DLEU7: variants seen among roughly 807,000 people sequenced by gnomAD.
The protein encoded by DLEU7 is leukemia-associated protein 7.
A neutral mutation model predicts 16.0 loss-of-function variants in DLEU7; 17 were observed. That is an observed-to-expected ratio of 1.06 (90% CI 0.73 to 1.59). The LOEUF is 1.59. Ranked by LOEUF, DLEU7 falls within the 40% of genes most tolerant of loss-of-function variation. The probability of loss-of-function intolerance (pLI) is 0.00; values close to 1 mark genes in which losing one functional copy is unlikely to be tolerated. For synonymous variants in DLEU7, 113 were observed against 139.8 expected (o/e 0.81, Z 1.35); for missense variants, 308 against 314.9 (o/e 0.98, Z 0.17).
intron 1 of DLEU7, among the ~76,000 whole-genome samples, chr13:50,806,410 C>A (rs1304332418): frequency 6.9e-6 from 1 of 145,168 alleles, no homozygotes; most frequent in Non-Finnish European, 1.5e-5. Flanking sequence ...ATTTTCTCTC[C>A]TTAATTTAAT....
chr13:50,748,797 C>T (rs1039139236), intron 1 of DLEU7, among the ~76,000 whole-genome samples: 22 of 152,102 alleles, frequency 1.4e-4, no homozygotes, highest in African/African-American at 4.6e-4. Flanking sequence ...AAAAGAGAGG[C>T]GAAATATCTA....
intron 1 of DLEU7, chr13:50,723,302 C>A (rs892876682): frequency 1.3e-5 from 2 of 151,988 alleles, no homozygotes; most frequent in Non-Finnish European, 2.9e-5. Flanking sequence ...AATGTATATT[C>A]TTCCCAATAT....
chr13:50,812,421 C>T (rs1308733926), intron 1 of DLEU7, among the ~76,000 whole-genome samples: 2 of 152,080 alleles, frequency 1.3e-5, no homozygotes, highest in Non-Finnish European at 1.5e-5. Flanking sequence ...GCTAGTGCTA[C>T]AGAAATCCCA....
chr13:50,767,603 G>T (rs1377112717), intron 1 of DLEU7, among the ~76,000 whole-genome samples: 1 of 152,118 alleles, frequency 6.6e-6, no homozygotes, highest in African/African-American at 2.4e-5. Context: ...CTTCCCCAGT[G>T]GAGCTCTAGC....
chr13:50,713,364 G>C, intron 1 of DLEU7: 1 of 1,172,144 alleles, frequency 8.5e-7, no homozygotes, highest in Non-Finnish European at 1.2e-6. Context: ...TGGAGATATG[G>C]GCTAACACAC....
In DLEU7 at chr13:50,814,678, T is replaced by TACAC. The variant is rs59737244; in HGVS notation, c.459+28506_459+28509dup. ...TACAAATCTATACACTACATAGAAC[T>TACAC]ACACACACACACACACACACACACA... On this transcript the variant is annotated intron_variant, in intron 1 of 1. Transcript: ENST00000400393. Among the ~76,000 whole-genome samples, 1,256 of 140,276 alleles carry TACAC rather than the reference T, an allele frequency of 9.0e-3. 11 individuals are homozygous for TACAC. The highest frequency in any genetic ancestry group is 0.052 in the South Asian group (201 of 3,872). 92.0% of individuals were successfully genotyped at this position (140,276 alleles called of 152,430 possible). A position where few individuals can be genotyped will look rare whatever the true frequency, so the allele number is the denominator to read the frequency against.
chr13:50,764,969 G>A (rs796251675), intron 1 of DLEU7, among the ~76,000 whole-genome samples: 68 of 152,210 alleles, frequency 4.5e-4, no homozygotes, highest in African/African-American at 1.6e-3. Context: ...TGCAACTTCT[G>A]CATCCTGTGT....
At chr13:50,787,858 C>T (rs893612299) in intron 1 of DLEU7, among the ~76,000 whole-genome samples, 4 of 152,118 alleles carry the variant, frequency 2.6e-5, no homozygotes, top group Non-Finnish European at 4.4e-5. Context: ...CCCAGCTCAG[C>T]GCCTTCCCTC....
At chr13:50,815,644 T>G (rs1243897071) in intron 1 of DLEU7, among the ~76,000 whole-genome samples, 1 of 152,142 alleles carries the variant, frequency 6.6e-6, no homozygotes, top group Non-Finnish European at 1.5e-5. Flanking sequence ...TAGGAATGTT[T>G]GCTTCTAAAT....
intron 1 of DLEU7, among the ~76,000 whole-genome samples, chr13:50,713,538 T>C (rs1283085937): frequency 1.3e-5 from 2 of 152,168 alleles, no homozygotes; most frequent in East Asian, 3.9e-4. Flanking sequence ...TTCTTCTTCC[T>C]GAAATGAGAA....
In DLEU7 at chr13:50,796,064, G is replaced by GAT. The variant is rs199671952; in HGVS notation, c.459+47122_459+47123dup. ...CCCTTTTTTCTCAGCATACCACCAG[G>GAT]ATATATATAATATTCCCCCCTTATC... On this transcript the variant is annotated intron_variant, in intron 1 of 1. Coordinates refer to the DLEU7 transcript ENST00000400393. Among the ~76,000 whole-genome samples, 1,005 of 135,160 alleles carry GAT rather than the reference G, an allele frequency of 7.4e-3. 7 individuals carry two copies. The highest frequency in any genetic ancestry group is 0.01 in the Admixed American group (137 of 13,220). 88.7% of individuals were successfully genotyped at this position (135,160 alleles called of 152,430 possible).
At position 50,843,267 on chromosome 13, in the gene DLEU7, G is replaced by C. The variant is rs530752287; in HGVS notation, c.380C>G (p.Ser127Trp). The change falls in exon 1 of 2, where the codon TCG (serine) becomes TGG (tryptophan). Residue 127 changes from serine (S) to tryptophan (W), a missense_variant. Transcript: ENST00000504404. The surrounding 1 kb of genome is among the most constrained non-coding windows in gnomAD (Gnocchi z 5.7). ...CTCCACGCTGACCAGCTCCGAAGTC[G>C]AGTCCACCACGCGGGCCAGCGCGCT... is the stretch of plus-strand genomic sequence containing the variant. ...MRSALARVVDSTSELVSVEQT... is the reference protein window; with the variant it reads ...MRSALARVVDWTSELVSVEQT... 1 of 1,590,926 alleles carries C rather than the reference G, an allele frequency of 6.3e-7. No homozygotes were observed. Among genetic ancestry groups the C allele is most frequent in the Non-Finnish European group, 8.6e-7 (1 of 1,168,844 alleles).
intron 1 of DLEU7, among the ~76,000 whole-genome samples, chr13:50,729,706 T>C: frequency 6.6e-6 from 1 of 152,316 alleles, no homozygotes; most frequent in South Asian, 2.1e-4. Flanking sequence ...CTATTATTTT[T>C]TGACTTTTTA....
intron 1 of DLEU7, among the ~76,000 whole-genome samples, chr13:50,794,781 T>C (rs1876062787): frequency 6.6e-6 from 1 of 152,144 alleles, no homozygotes; most frequent in African/African-American, 2.4e-5. Flanking sequence ...TCACAATCAA[T>C]GTTAAATACA....
At chr13:50,834,431 C>CA (rs141707617) in intron 1 of DLEU7, among the ~76,000 whole-genome samples, 74 of 147,500 alleles carry the variant, frequency 5.0e-4, no homozygotes, top group South Asian at 2.2e-3. Context: ...CAAACATATG[C>CA]AAAAAAAAAA....
At chr13:50,740,423 A>G (rs1250379163) in intron 1 of DLEU7, among the ~76,000 whole-genome samples, 5 of 152,150 alleles carry the variant, frequency 3.3e-5, no homozygotes, top group South Asian at 2.1e-4. Flanking sequence ...CTGAATTTCA[A>G]TTTCCTGGTG....
intron 1 of DLEU7, among the ~76,000 whole-genome samples, chr13:50,758,998 C>G (rs1256692900): frequency 2.0e-5 from 3 of 152,188 alleles, no homozygotes; most frequent in African/African-American, 7.2e-5. Context: ...AATGTGTAAT[C>G]CTCAATGGAG....
intron 1 of DLEU7, among the ~76,000 whole-genome samples, chr13:50,832,707 C>T (rs1486152957): frequency 2.0e-5 from 3 of 152,140 alleles, no homozygotes; most frequent in Admixed American, 6.6e-5. Flanking sequence ...TTTCAAAGAA[C>T]TTATTTATTT....
intron 1 of DLEU7, among the ~76,000 whole-genome samples, chr13:50,713,622 G>A (rs1194395890): frequency 1.3e-5 from 2 of 152,184 alleles, no homozygotes; most frequent in Non-Finnish European, 2.9e-5. Flanking sequence ...GCTCTTGACA[G>A]GAAAGGGGTT....
Sources: allele counts gnomAD v4.1 joint callset (sites outside exome capture counted in the v4.1 genomes callset), GRCh38; gene constraint gnomAD v4.1.1; non-coding constraint Gnocchi (gnomAD v3.1); transcripts MANE v1.5; gene names NCBI Gene and HGNC (gene_info 2026-07-23, HGNC 2026-07-21).